The following NEK5 variants were observed in gnomAD, a reference collection of about 807,000 sequenced individuals.
The protein encoded by NEK5 is serine/threonine-protein kinase Nek5.
NEK5 carries 88 observed loss-of-function variants against 109.2 expected under a neutral mutation model. The observed-to-expected ratio is 0.81, with a 90% CI of 0.68 to 0.96. The LOEUF is 0.96. Among genes scored for constraint, NEK5 ranks in the 40% least tolerant of loss-of-function variants. The pLI is 0.00. For synonymous variants in NEK5, 283 were observed against 299.9 expected, an observed-to-expected ratio of 0.94 and a Z score of 0.58; for missense variants, 834 against 920.7, an observed-to-expected ratio of 0.91 and a Z score of 1.22.
chr13:52,039,830 G>C (rs1954398324), intron 23 of NEK5, among the ~76,000 whole-genome samples: 1 of 151,758 alleles, frequency 6.6e-6, no homozygotes, highest in Non-Finnish European at 1.5e-5. Flanking sequence ...TTTTTGCTAT[G>C]GTCTGAATGT....
At chr13:52,104,695 T>C in intron 8 of NEK5, 143 bp from the exon 9 acceptor site, 1 of 658,362 alleles carries the variant, frequency 1.5e-6, no homozygotes. Flanking sequence ...AGATATATCA[T>C]CAATTCTTAT....
intron 12 of NEK5, among the ~76,000 whole-genome samples, chr13:52,095,094 T>A (rs554642075): frequency 1.0e-3 from 151 of 150,710 alleles, no homozygotes; most frequent in South Asian, 1.3e-3. Flanking sequence ...AAACAAAAAA[T>A]TTTTTTTTTA....
chr13:52,062,920 G>A (rs1002591275), intron 21 of NEK5, among the ~76,000 whole-genome samples: 5 of 151,686 alleles, frequency 3.3e-5, no homozygotes, highest in Admixed American at 3.3e-4. Flanking sequence ...TATTTTACTG[G>A]TGGAAAAAAA....
rs1770824257 is a variant in NEK5, at chr13:52,039,042, C to CACTGAAA, written c.2229-1831_2229-1825dup. ...GTGGAATAACCAATAGGAGCCAGGT[C>CACTGAAA]ACTGAAAAGAGGCTGGGTTTTAGAG... is the stretch of plus-strand genomic sequence containing the variant. On this transcript the variant is annotated intron_variant, in intron 23 of 23. Coordinates refer to ENST00000684899, the MANE Select transcript of NEK5 (RefSeq NM_001365552.1). Among the ~76,000 whole-genome samples the CACTGAAA allele has an allele frequency of 3.3e-5, 5 of 152,126 alleles. No homozygotes were observed. The South Asian group carries it at 1.0e-3, about 32-fold the overall frequency.
intron 12 of NEK5, among the ~76,000 whole-genome samples, chr13:52,096,947 C>A (rs902608148): frequency 1.3e-5 from 2 of 152,204 alleles, no homozygotes; most frequent in African/African-American, 4.8e-5. Context: ...CTGCTCTGTG[C>A]AGCCTCAGGA....
chr13:52,121,228 G>T (rs1444707829), intron 3 of NEK5, among the ~76,000 whole-genome samples: 2 of 149,110 alleles, frequency 1.3e-5, no homozygotes, highest in Non-Finnish European at 3.0e-5. Context: ...GCATGATCTT[G>T]GTTCACTGCA....
rs541895461 is a variant in NEK5 at position 52,098,130 on chromosome 13, T to C, written c.1026+1613A>G. Among the ~76,000 whole-genome samples, 17 of 152,258 alleles carry C rather than the reference T, an allele frequency of 1.1e-4. 2 individuals carry two copies. The South Asian group carries it at 3.1e-3, about 28-fold the overall frequency. ...CAGAACTGTAAGCCAATTAAACCTC[T>C]TGTCTTTATCAACTACCCAGTCTCA... On this transcript the variant is annotated intron_variant, in intron 12 of 23. Coordinates refer to ENST00000684899, the MANE Select transcript of NEK5 (RefSeq NM_001365552.1).
intron 22 of NEK5, among the ~76,000 whole-genome samples, chr13:52,057,841 T>C (rs1157589298): frequency 6.6e-6 from 1 of 151,610 alleles, no homozygotes; most frequent in Non-Finnish European, 1.5e-5. Context: ...CCACAGCCAA[T>C]ATCATACTGA....
intron 22 of NEK5, among the ~76,000 whole-genome samples, chr13:52,056,408 G>A (rs1013043381): frequency 5.3e-5 from 8 of 151,270 alleles, no homozygotes; most frequent in African/African-American, 1.9e-4. Context: ...AATCAACAAG[G>A]ATACCCAGGA....
At chr13:52,096,796 A>G (rs1199495680) in intron 12 of NEK5, among the ~76,000 whole-genome samples, 5 of 152,238 alleles carry the variant, frequency 3.3e-5, no homozygotes, top group Non-Finnish European at 5.9e-5. Context: ...TCAAAAATAA[A>G]GAGGAGTCAA....
At chr13:52,068,395 G>T (rs1954724768) in intron 20 of NEK5, among the ~76,000 whole-genome samples, 1 of 151,484 alleles carries the variant, frequency 6.6e-6, no homozygotes, top group African/African-American at 2.4e-5. Context: ...CCTCAGTAAG[G>T]TTTTACAGTT....
intron 17 of NEK5, among the ~76,000 whole-genome samples, chr13:52,079,385 A>G (rs912838748): frequency 6.8e-5 from 10 of 147,292 alleles, no homozygotes; most frequent in Non-Finnish European, 1.5e-4. Context: ...ATCTCGGCTC[A>G]CTGCAACTTC....
At chr13:52,095,946 C>A (rs1371818383) in intron 12 of NEK5, among the ~76,000 whole-genome samples, 1 of 152,128 alleles carries the variant, frequency 6.6e-6, no homozygotes, top group Non-Finnish European at 1.5e-5. Flanking sequence ...GTAAATGGAT[C>A]GTTGGGGCAG....
At chr13:52,053,117 A>G (rs1954522798) in intron 22 of NEK5, among the ~76,000 whole-genome samples, 2 of 152,150 alleles carry the variant, frequency 1.3e-5, no homozygotes, top group Non-Finnish European at 2.9e-5. Context: ...CCTGGCCAAC[A>G]TGGTGAAACC....
At chr13:52,088,102 T>G (rs1272912546) in intron 14 of NEK5, among the ~76,000 whole-genome samples, 1 of 151,634 alleles carries the variant, frequency 6.6e-6, no homozygotes, top group African/African-American at 2.4e-5. Flanking sequence ...TAATTTTTGT[T>G]TTTTTTGGTA....
chr13:52,091,832 A>G (rs946174064), intron 13 of NEK5, among the ~76,000 whole-genome samples: 9 of 152,338 alleles, frequency 5.9e-5, no homozygotes, highest in African/African-American at 2.2e-4. Flanking sequence ...AAAATCTACC[A>G]TAAGACCAAT....
intron 2 of NEK5, 29 bp from the exon 3 acceptor site, chr13:52,127,533 C>A (rs1259799421): frequency 1.0e-6 from 1 of 976,564 alleles, no homozygotes; most frequent in Non-Finnish European, 1.7e-6. Flanking sequence ...AAATTTATCA[C>A]ACACGTCTCA....
chr13:52,100,057 GA>G (rs1449014507), intron 11 of NEK5, among the ~76,000 whole-genome samples, 181 bp from the exon 12 acceptor site: 4 of 151,830 alleles, frequency 2.6e-5, no homozygotes, highest in Non-Finnish European at 4.4e-5. Flanking sequence ...TTCTTTAAAT[GA>G]AAAAAACCAT....
intron 19 of NEK5, among the ~76,000 whole-genome samples, chr13:52,074,510 A>G (rs12864747): frequency 2.0e-5 from 3 of 152,196 alleles, no homozygotes; most frequent in Non-Finnish European, 4.4e-5. Flanking sequence ...TAAAAGTAAG[A>G]CCTTAAACTA....
Sources: gnomAD v4.1 joint callset for allele counts (sites outside exome capture counted in the v4.1 genomes callset) on GRCh38, gnomAD v4.1.1 for gene constraint, MANE v1.5 for transcripts, NCBI Gene and HGNC (gene_info 2026-07-23, HGNC 2026-07-21) for gene names.